C6orf58: variants seen among roughly 807,000 people sequenced by gnomAD.
C6orf58 encodes protein LEG1 homolog.
In C6orf58, 30 loss-of-function variants were observed where a neutral mutation model predicts 37.0. The ratio of observed to expected loss-of-function variants is 0.81; its 90% CI spans 0.61 to 1.10. The LOEUF (loss-of-function observed/expected upper bound fraction) is 1.10, where lower values mean the gene tolerates loss of function less well. Ranked by LOEUF, C6orf58 falls within the 50% of genes least tolerant of loss-of-function variation. C6orf58 has a pLI of 0.00. For missense variants in C6orf58, 368 were observed against 387.5 expected, an observed-to-expected ratio of 0.95 and a Z score of 0.42; for synonymous variants, 143 against 134.1, an observed-to-expected ratio of 1.07 and a Z score of -0.46.
rs150182872 is a variant in C6orf58 at position 127,577,229 on chromosome 6, T to G, written c.44T>G (p.Phe15Cys). 6.1e-4 allele frequency: 983 copies of G among 1,613,584 alleles called. 2 individuals carry two copies. Among genetic ancestry groups the G allele is most frequent in the South Asian group, 8.7e-4 (79 of 91,072 alleles). Residue 15 changes from phenylalanine to cysteine, a missense_variant, in exon 1 of 6, where the codon TTT becomes TGT. Phe to Cys is a radical substitution (Grantham distance 205). Coordinates refer to ENST00000329722, the MANE Select transcript of C6orf58 (RefSeq NM_001010905.3). ...PSWVCVLVGS[F>C]SASLAGTSNL... is the part of the protein sequence containing the mutation. ...TGGGTTTGTGTACTAGTTGGTTCCTTTTCTGCTTCCTTAGCAGGGACTTCC... is the reference window on the plus strand; with the variant it reads ...TGGGTTTGTGTACTAGTTGGTTCCTGTTCTGCTTCCTTAGCAGGGACTTCC...
chr6:127,591,150 T>G (rs1474147103), intron 5 of C6orf58, among the ~76,000 whole-genome samples: 2 of 152,162 alleles, frequency 1.3e-5, no homozygotes, highest in African/African-American at 4.8e-5. Context: ...GCAGACCAAG[T>G]CTTCTTCATT....
chr6:127,581,389 A>G (rs1775049072), intron 4 of C6orf58, 107 bp downstream of exon 4: 1 of 409,516 alleles, frequency 2.4e-6, no homozygotes, highest in African/African-American at 2.1e-5. Context: ...CTTTATATTA[A>G]ATAATAAGCC....
At chr6:127,587,530 A>T (rs1242012695) in intron 4 of C6orf58, among the ~76,000 whole-genome samples, 1 of 152,176 alleles carries the variant, frequency 6.6e-6, no homozygotes, top group Non-Finnish European at 1.5e-5. Flanking sequence ...CTGATTTGTT[A>T]ATCTACCTGT....
intron 4 of C6orf58, among the ~76,000 whole-genome samples, chr6:127,586,622 G>A (rs1392175301): frequency 6.6e-6 from 1 of 150,494 alleles, no homozygotes; most frequent in Non-Finnish European, 1.5e-5. Flanking sequence ...GCATTTGGCT[G>A]TCTCAACACT....
chr6:127,587,132 T>C (rs1775115281), intron 4 of C6orf58, among the ~76,000 whole-genome samples: 1 of 152,208 alleles, frequency 6.6e-6, no homozygotes, highest in African/African-American at 2.4e-5. Context: ...TTCTTTTCAA[T>C]TTTCAGCTTC....
intron 4 of C6orf58, among the ~76,000 whole-genome samples, chr6:127,587,154 TG>T (rs1245967078): frequency 1.3e-5 from 2 of 152,200 alleles, no homozygotes; most frequent in Non-Finnish European, 2.9e-5. Context: ...AAAATCTTGT[TG>T]TTCCCCACGT....
At chr6:127,578,871 G>T (rs1046138483) in intron 2 of C6orf58, 99 bp downstream of exon 2, 2 of 854,084 alleles carry the variant, frequency 2.3e-6, no homozygotes, top group Non-Finnish European at 3.8e-6. Flanking sequence ...AAATAATCCT[G>T]TTCCTATTTT....
intron 1 of C6orf58, 146 bp from the exon 2 acceptor site, chr6:127,578,540 A>G (rs1775013895): frequency 1.6e-5 from 8 of 496,784 alleles, no homozygotes; most frequent in Admixed American, 1.1e-4. Context: ...ATAAAAGATA[A>G]AAAAAGAATG....
At chr6:127,578,038 G>A (rs1357116211) in intron 1 of C6orf58, among the ~76,000 whole-genome samples, 1 of 152,068 alleles carries the variant, frequency 6.6e-6, no homozygotes, top group East Asian at 1.9e-4. Context: ...TTTTGTTCTG[G>A]TTGATAGAAG....
In C6orf58 at chr6:127,577,268, C is replaced by G. The variant is rs753323414; in HGVS notation, c.83C>G (p.Thr28Arg). Reference protein sequence around the residue: ...SLAGTSNLSETEPPLWKESPG... With the variant: ...SLAGTSNLSEREPPLWKESPG... ...GCAGGGACTTCCAATCTCTCAGAGA[C>G]AGAGCCCCCTCTGTGGAAGGAGAGT... Residue 28 changes from threonine to arginine, a missense_variant, in exon 1 of 6, where the codon ACA becomes AGA. Thr to Arg is a moderately conservative substitution (Grantham distance 71). Transcript: ENST00000329722. 1 of 1,613,416 alleles carries G rather than the reference C, an allele frequency of 6.2e-7. No homozygotes were observed. Among genetic ancestry groups the G allele is most frequent in the Non-Finnish European group, 8.5e-7 (1 of 1,179,462 alleles).
intron 2 of C6orf58, 24 bp from the exon 3 acceptor site, chr6:127,580,241 A>G (rs755058871): frequency 1.4e-5 from 22 of 1,566,278 alleles, no homozygotes; most frequent in Non-Finnish European, 1.8e-5. Context: ...GCTTGTAGTA[A>G]TAGTAAATCT....
intron 4 of C6orf58, among the ~76,000 whole-genome samples, chr6:127,583,722 G>C (rs1181216697): frequency 6.6e-6 from 1 of 152,134 alleles, no homozygotes; most frequent in African/African-American, 2.4e-5. Flanking sequence ...CTGATCTCTA[G>C]GTTCTAGAAC....
chr6:127,578,452 A>G (rs1352952731), intron 1 of C6orf58, among the ~76,000 whole-genome samples: 1 of 152,146 alleles, frequency 6.6e-6, no homozygotes, highest in Non-Finnish European at 1.5e-5. Context: ...TTACAAAAGT[A>G]AATAATATTT....
At chr6:127,586,523 C>A (rs1309831189) in intron 4 of C6orf58, among the ~76,000 whole-genome samples, 2 of 152,202 alleles carry the variant, frequency 1.3e-5, no homozygotes, top group Non-Finnish European at 2.9e-5. Context: ...AGGCCCTGGG[C>A]ATGTTTCCTC....
At chr6:127,583,292 A>T (rs1775069000) in intron 4 of C6orf58, among the ~76,000 whole-genome samples, 1 of 152,142 alleles carries the variant, frequency 6.6e-6, no homozygotes, top group African/African-American at 2.4e-5. Flanking sequence ...TCATGTGAGG[A>T]TTTAGGTTTA....
intron 1 of C6orf58, among the ~76,000 whole-genome samples, chr6:127,578,270 C>T (rs561987987): frequency 2.4e-4 from 37 of 152,040 alleles, no homozygotes; most frequent in Non-Finnish European, 4.4e-4. Context: ...ATATTATTAT[C>T]CCCATGTCAT....
At chr6:127,578,828 A>G in intron 2 of C6orf58, 56 bp downstream of exon 2, 2 of 1,304,326 alleles carry the variant, frequency 1.5e-6, no homozygotes, top group Non-Finnish European at 2.2e-6. Context: ...GAAAGCATTC[A>G]AACCTAAAAT....
At position 127,591,685 on chromosome 6, in the gene C6orf58, C is replaced by T; in HGVS notation, c.*63C>T. ...TTAAAAATGAAAAACTCGAACTTGA[C>T]AATCAGTAATTTCAAAAAATTAATG... On this transcript the variant is annotated 3_prime_UTR_variant, in exon 6 of 6. Transcript: ENST00000329722. 2 of 1,364,830 alleles carry T rather than the reference C, an allele frequency of 1.5e-6. No homozygotes were observed. Among genetic ancestry groups the T allele is most frequent in the Non-Finnish European group, 1.9e-6 (2 of 1,039,784 alleles). The allele number at this position is 1,364,830 out of a possible 1,614,324, so 84.5% of individuals were successfully genotyped here.
At chr6:127,589,042 T>C (rs968475988) in intron 4 of C6orf58, among the ~76,000 whole-genome samples, 3 of 152,210 alleles carry the variant, frequency 2.0e-5, no homozygotes, top group Admixed American at 6.5e-5. Flanking sequence ...TATGTTATAG[T>C]TTATTTAATC....
Sources: allele counts gnomAD v4.1 joint callset (sites outside exome capture counted in the v4.1 genomes callset), GRCh38; gene constraint gnomAD v4.1.1; transcripts MANE v1.5; gene names NCBI Gene and HGNC (gene_info 2026-07-23, HGNC 2026-07-21).